The following SDK1 variants were observed in gnomAD, a reference collection of about 807,000 sequenced individuals.
The protein encoded by SDK1 is protein sidekick-1.
Under a neutral mutation model 245.5 loss-of-function variants are expected in SDK1, and 157 were observed. The ratio of observed to expected loss-of-function variants is 0.64; its 90% CI spans 0.56 to 0.73. The LOEUF (loss-of-function observed/expected upper bound fraction) is 0.73, where lower values mean the gene tolerates loss of function less well. Among genes scored for constraint, SDK1 ranks in the 30% least tolerant of loss-of-function variants. The probability of loss-of-function intolerance (pLI) is 0.00; values close to 1 mark genes in which losing one functional copy is unlikely to be tolerated. For synonymous variants in SDK1, 1,647 were observed against 1,278.5 expected, an observed-to-expected ratio of 1.29 and a Z score of -6.15; for missense variants, 3,583 against 3,002.3, an observed-to-expected ratio of 1.19 and a Z score of -4.52.
intron 20 of SDK1, 122 bp from the exon 21 acceptor site, chr7:4,076,876 T>C (rs1318810562): frequency 3.9e-5 from 31 of 793,666 alleles, no homozygotes; most frequent in Non-Finnish European, 5.6e-5. Context: ...GGCTCTAAGC[T>C]GCCTTCAGCA....
chr7:3,861,291 A>G (rs1780686337), intron 5 of SDK1, among the ~76,000 whole-genome samples: 1 of 152,228 alleles, frequency 6.6e-6, no homozygotes, highest in Non-Finnish European at 1.5e-5. Context: ...CATTGCTGTC[A>G]TTTTACTCTC....
At chr7:3,674,667 G>A (rs931958789) in intron 4 of SDK1, among the ~76,000 whole-genome samples, 1 of 152,166 alleles carries the variant, frequency 6.6e-6, no homozygotes, top group Non-Finnish European at 1.5e-5. Flanking sequence ...GTGTTGTTCA[G>A]TGTTTGATAA....
chr7:3,572,149 T>C (rs531785813), intron 1 of SDK1, among the ~76,000 whole-genome samples: 18 of 152,214 alleles, frequency 1.2e-4, no homozygotes, highest in African/African-American at 2.4e-4. Flanking sequence ...TGGGCACTTA[T>C]GTTCAAAGTA....
chr7:3,968,185 C>G (rs923977821), intron 10 of SDK1, among the ~76,000 whole-genome samples: 2 of 152,172 alleles, frequency 1.3e-5, no homozygotes, highest in Admixed American at 6.5e-5. Flanking sequence ...AAGATGCTTC[C>G]AGGGCCACAT....
chr7:3,880,148 A>G lies in SDK1; in HGVS notation c.847+58565A>G, dbSNP rs939115159. Among the ~76,000 whole-genome samples, 5 of 152,380 alleles carry G rather than the reference A, an allele frequency of 3.3e-5. No homozygotes were observed. In the East Asian group the frequency reaches 7.7e-4, roughly 23 times the overall value. Reference sequence around the variant, plus strand: ...GAAAGGGTTTTTAATGAACATGAACATAATGCTCGCCGCACTCCTCAGGGA... The same window carrying G: ...GAAAGGGTTTTTAATGAACATGAACGTAATGCTCGCCGCACTCCTCAGGGA... On this transcript the variant is annotated intron_variant, in intron 5 of 44. Transcript: ENST00000404826.
chr7:3,596,338 C>T lies in SDK1; in HGVS notation c.299-22742C>T, dbSNP rs1412030126. On this transcript the variant is annotated intron_variant, in intron 1 of 44. Coordinates refer to ENST00000404826, the MANE Select transcript of SDK1 (RefSeq NM_152744.4). ...TACAAGAGAGTAAGTCTGACAGTGC[C>T]AGTGACCATCAGAACAAACCACAGT... 2.6e-5 allele frequency among the ~76,000 whole-genome samples: 4 copies of T among 152,128 alleles called. No individual in the cohort carries two copies. In the East Asian group the frequency reaches 7.7e-4, roughly 29 times the overall value.
chr7:3,368,747 C>T (rs1781152530), intron 1 of SDK1, among the ~76,000 whole-genome samples: 1 of 152,154 alleles, frequency 6.6e-6, no homozygotes, highest in South Asian at 2.1e-4. Flanking sequence ...TATTCCAAAC[C>T]TCCTGGGCTG....
intron 1 of SDK1, among the ~76,000 whole-genome samples, chr7:3,413,996 C>T (rs1425437722): frequency 6.6e-6 from 1 of 151,980 alleles, no homozygotes; most frequent in African/African-American, 2.4e-5. Context: ...ATAACTTGGG[C>T]TGCTGAGTGG....
chr7:4,185,760 G>C (rs1354200016), intron 35 of SDK1, among the ~76,000 whole-genome samples: 2 of 151,368 alleles, frequency 1.3e-5, no homozygotes, highest in Non-Finnish European at 2.9e-5. Context: ...CTTATCCCCA[G>C]AACGTTAGCA....
At position 3,301,601 on chromosome 7, in the gene SDK1, CCGGCCCTCGG is replaced by C. The variant is rs1347505440; in HGVS notation, c.21_30del (p.Ser8ValfsTer200). ...GGCTGCTCGGCATGGCCCGGGGCGC[CCGGCCCTCGG>C]CGGCCGGTGGCGGCGGCGGCGGCGC... is the stretch of plus-strand genomic sequence containing the variant. On this transcript the variant is annotated frameshift_variant, in exon 1 of 45. Transcript: ENST00000404826. LOFTEE classifies it high-confidence loss of function. The C allele has an allele frequency of 3.0e-5, 29 of 975,876 alleles. No homozygotes were observed. The highest frequency in any genetic ancestry group is 3.5e-5 in the Non-Finnish European group (29 of 825,074). 60.5% of individuals were successfully genotyped at this position (975,876 alleles called of 1,614,324 possible). A position where few individuals can be genotyped will look rare whatever the true frequency, so the allele number is the denominator to read the frequency against.
At chr7:3,649,295 T>C (rs1782937430) in intron 4 of SDK1, among the ~76,000 whole-genome samples, 1 of 152,122 alleles carries the variant, frequency 6.6e-6, no homozygotes, top group Admixed American at 6.5e-5. Context: ...TATAGAGTTA[T>C]AATTTGTATA....
intron 1 of SDK1, among the ~76,000 whole-genome samples, chr7:3,557,282 C>T (rs1247820423): frequency 1.3e-5 from 2 of 152,080 alleles, no homozygotes; most frequent in Non-Finnish European, 2.9e-5. Context: ...GATCCTAAAG[C>T]CACTAAAGGA....
intron 1 of SDK1, among the ~76,000 whole-genome samples, chr7:3,408,122 C>A (rs181196197): frequency 2.0e-5 from 3 of 152,256 alleles, no homozygotes; most frequent in East Asian, 3.9e-4. Context: ...ACTGCCACAT[C>A]TGCCTCCCAG....
chr7:3,965,617 C>G (rs1782027788), intron 9 of SDK1, among the ~76,000 whole-genome samples: 1 of 152,128 alleles, frequency 6.6e-6, no homozygotes, highest in South Asian at 2.1e-4. Context: ...GGATGAGGCT[C>G]TGGGGACACG....
chr7:3,787,012 A>C (rs1029481255), intron 4 of SDK1, among the ~76,000 whole-genome samples: 1 of 152,182 alleles, frequency 6.6e-6, no homozygotes, highest in Admixed American at 6.5e-5. Flanking sequence ...ATTGATAGAC[A>C]TCTTTCCCCA....
chr7:3,586,200 C>G (rs1780682746), intron 1 of SDK1, among the ~76,000 whole-genome samples: 1 of 151,774 alleles, frequency 6.6e-6, no homozygotes, highest in Admixed American at 6.6e-5. Context: ...GGGTGAGTGT[C>G]TTGGTGGAAA....
intron 1 of SDK1, among the ~76,000 whole-genome samples, chr7:3,497,224 T>C (rs1365091012): frequency 6.6e-6 from 1 of 152,206 alleles, no homozygotes; most frequent in Non-Finnish European, 1.5e-5. Flanking sequence ...ATGGTTACTC[T>C]TTTATTTTTT....
At chr7:3,537,898 C>T (rs937904199) in intron 1 of SDK1, among the ~76,000 whole-genome samples, 2 of 152,200 alleles carry the variant, frequency 1.3e-5, no homozygotes, top group Non-Finnish European at 2.9e-5. Context: ...AGTGAGGCAT[C>T]CTGGTGGCAG....
chr7:3,638,778 G>T (rs1209314203), intron 2 of SDK1, among the ~76,000 whole-genome samples: 1 of 150,698 alleles, frequency 6.6e-6, no homozygotes, highest in East Asian at 1.9e-4. Flanking sequence ...AAAACTTAAA[G>T]TATAATAATA....
Sources: allele counts gnomAD v4.1 joint callset (sites outside exome capture counted in the v4.1 genomes callset), GRCh38; gene constraint gnomAD v4.1.1; transcripts MANE v1.5; gene names NCBI Gene and HGNC (gene_info 2026-07-23, HGNC 2026-07-21).